RGS20: variants seen among roughly 807,000 people sequenced by gnomAD.
The protein encoded by RGS20 is gz-selective GTPase-activating protein.
Under a neutral mutation model 33.6 loss-of-function variants are expected in RGS20, and 30 were observed. The ratio of observed to expected loss-of-function variants is 0.89; its 90% CI spans 0.67 to 1.21. The LOEUF is 1.21. Among genes scored for constraint, RGS20 ranks in the 50% most tolerant of loss-of-function variants. The pLI is 0.00. For missense variants in RGS20, 472 were observed against 502.4 expected (o/e 0.94, Z 0.58); for synonymous variants, 208 against 197.9 (o/e 1.05, Z -0.43).
chr8:53,868,672 A>T (rs1488744783), intron 1 of RGS20, among the ~76,000 whole-genome samples: 1 of 151,932 alleles, frequency 6.6e-6, no homozygotes, highest in African/African-American at 2.4e-5. Flanking sequence ...ATATATATGT[A>T]TGTCTATATT....
At chr8:53,905,118 A>G (rs927781433) in intron 2 of RGS20, among the ~76,000 whole-genome samples, 1 of 152,252 alleles carries the variant, frequency 6.6e-6, no homozygotes, top group Non-Finnish European at 1.5e-5. Flanking sequence ...AGATGAGGAC[A>G]TCTGTAAGCA....
chr8:53,916,519 T>A (rs1345774226), intron 2 of RGS20, among the ~76,000 whole-genome samples: 2 of 152,228 alleles, frequency 1.3e-5, no homozygotes, highest in African/African-American at 2.4e-5. Flanking sequence ...AGATATTATC[T>A]GTTTTCTTCT....
intron 1 of RGS20, among the ~76,000 whole-genome samples, chr8:53,875,234 T>C (rs1451888540): frequency 2.0e-5 from 3 of 151,872 alleles, no homozygotes; most frequent in Non-Finnish European, 4.4e-5. Context: ...AAGTTTGAGA[T>C]CAGCCTGGCC....
intron 3 of RGS20, chr8:53,945,263 A>G (rs941421355): frequency 1.3e-5 from 2 of 152,240 alleles, no homozygotes; most frequent in African/African-American, 4.8e-5. Context: ...ACAATGAGAT[A>G]TTATTCAACT....
intron 1 of RGS20, among the ~76,000 whole-genome samples, chr8:53,868,762 T>C (rs1356977140): frequency 1.3e-5 from 2 of 151,986 alleles, no homozygotes; most frequent in African/African-American, 4.8e-5. Context: ...CAAATGCATT[T>C]TTTTTTTTGA....
intron 2 of RGS20, among the ~76,000 whole-genome samples, chr8:53,900,817 T>C (rs145248242): frequency 6.6e-6 from 1 of 152,254 alleles, no homozygotes; most frequent in Non-Finnish European, 1.5e-5. Flanking sequence ...CCTGGCCCAG[T>C]TCTCTGTTTT....
chr8:53,851,880 G>T lies in RGS20; in HGVS notation c.-20G>T. 6.2e-7 allele frequency: 1 copy of T among 1,612,712 alleles called. No homozygotes were observed. Among genetic ancestry groups the T allele is most frequent in the South Asian group, 1.1e-5 (1 of 90,920 alleles). On this transcript the variant is annotated 5_prime_UTR_variant, in exon 1 of 6. Coordinates refer to ENST00000297313, the MANE Select transcript of RGS20 (RefSeq NM_170587.4). ...GAAAACCAGGCAACAGGACTCATTT[G>T]GGGCCTTTATTGTGAAAACATGCCC... is the stretch of plus-strand genomic sequence containing the variant.
chr8:53,873,956 T>C (rs1234622613), intron 1 of RGS20, among the ~76,000 whole-genome samples: 2 of 152,070 alleles, frequency 1.3e-5, no homozygotes, highest in Admixed American at 6.5e-5. Flanking sequence ...CCCAGCCCTT[T>C]AGGAGGCCGA....
At chr8:53,864,607 G>T (rs1173508733) in intron 1 of RGS20, among the ~76,000 whole-genome samples, 1 of 152,028 alleles carries the variant, frequency 6.6e-6, no homozygotes, top group African/African-American at 2.4e-5. Flanking sequence ...ATCTCCATCT[G>T]CAGATGGACC....
chr8:53,909,212 T>C (rs1402263938), intron 2 of RGS20, among the ~76,000 whole-genome samples: 2 of 9,906 alleles, frequency 2.0e-4, no homozygotes, highest in East Asian at 4.4e-3. Flanking sequence ...TATGTGTGTA[T>C]ATATATATAT....
At chr8:53,920,160 C>A (rs1813601752) in intron 2 of RGS20, among the ~76,000 whole-genome samples, 1 of 152,144 alleles carries the variant, frequency 6.6e-6, no homozygotes, top group South Asian at 2.1e-4. Flanking sequence ...TAGATGTGAG[C>A]CATCATGCCC....
In RGS20 at chr8:53,855,462, AG is replaced by A. The variant is rs575623765; in HGVS notation, c.165+3402del. ...GGTAGGGTGGTGGATATAGCTACAA[AG>A]GGGTCATACTTTAAAGGGAGCCTGG... On this transcript the variant is annotated intron_variant, in intron 1 of 5. Coordinates refer to ENST00000297313, the MANE Select transcript of RGS20 (RefSeq NM_170587.4). 1.9e-3 allele frequency among the ~76,000 whole-genome samples: 286 copies of A among 152,320 alleles called. 1 individual carries two copies. The highest frequency in any genetic ancestry group is 6.5e-3 in the African/African-American group (270 of 41,572).
At chr8:53,867,372 T>C (rs1811944358) in intron 1 of RGS20, among the ~76,000 whole-genome samples, 1 of 152,228 alleles carries the variant, frequency 6.6e-6, no homozygotes, top group South Asian at 2.1e-4. Context: ...GAGAGGGTTT[T>C]TCATTTCTCA....
At chr8:53,956,595 C>T (rs976362419) in intron 5 of RGS20, among the ~76,000 whole-genome samples, 1 of 152,174 alleles carries the variant, frequency 6.6e-6, no homozygotes, top group Non-Finnish European at 1.5e-5. Flanking sequence ...TCCCATATGT[C>T]TGGTGTAGGC....
intron 1 of RGS20, among the ~76,000 whole-genome samples, chr8:53,867,295 C>T (rs1258929866): frequency 6.6e-6 from 1 of 152,154 alleles, no homozygotes; most frequent in Non-Finnish European, 1.5e-5. Context: ...GCAACTCCAT[C>T]CCCTACGTTT....
chr8:53,948,455 AT>A (rs1323635884), intron 4 of RGS20, among the ~76,000 whole-genome samples: 2 of 140,358 alleles, frequency 1.4e-5, no homozygotes, highest in Non-Finnish European at 3.0e-5. Context: ...TACATATGCT[AT>A]ATATGATACA....
At chr8:53,952,386 G>A (rs1434691195) in intron 4 of RGS20, among the ~76,000 whole-genome samples, 1 of 147,798 alleles carries the variant, frequency 6.8e-6, no homozygotes, top group Non-Finnish European at 1.5e-5. Context: ...GGTGGAAAAA[G>A]CAAGTTGCAG....
chr8:53,884,237 C>G (rs912323280), intron 2 of RGS20, among the ~76,000 whole-genome samples: 2 of 144,602 alleles, frequency 1.4e-5, no homozygotes, highest in African/African-American at 5.4e-5. Context: ...ACTCTCTCAC[C>G]CAGGCTGGAG....
rs553930380 is a variant in RGS20, at chr8:53,937,114, G to A, written c.511-2462G>A. ...AATGAAAACACTTGGACACAGGGTG[G>A]GGAACATCACACACCAGGGCCTGTC... On this transcript the variant is annotated intron_variant, in intron 2 of 5. Coordinates refer to ENST00000297313, the MANE Select transcript of RGS20 (RefSeq NM_170587.4). 5.5e-4 allele frequency among the ~76,000 whole-genome samples: 83 copies of A among 152,110 alleles called. 1 individual carries two copies. Among genetic ancestry groups the A allele is most frequent in the African/African-American group, 1.8e-3 (75 of 41,498 alleles).
Sources: gnomAD v4.1 joint callset for allele counts (sites outside exome capture counted in the v4.1 genomes callset) on GRCh38, gnomAD v4.1.1 for gene constraint, MANE v1.5 for transcripts, NCBI Gene and HGNC (gene_info 2026-07-23, HGNC 2026-07-21) for gene names.